Variants in FRAS1 observed in about 807,000 individuals in gnomAD.
FRAS1 encodes extracellular matrix organizing protein FRAS1.
A neutral mutation model predicts 435.2 loss-of-function variants in FRAS1; 290 were observed. The observed-to-expected ratio is 0.67, with a 90% confidence interval of 0.61 to 0.73. The LOEUF (loss-of-function observed/expected upper bound fraction) is 0.73, where lower values mean the gene tolerates loss of function less well. Among genes scored for constraint, FRAS1 ranks in the 30% least tolerant of loss-of-function variants. The pLI, the probability that FRAS1 is intolerant of heterozygous loss-of-function variation, is 0.00. For missense variants in FRAS1, 4,860 were observed against 5,001.5 expected (o/e 0.97, Z 0.85); for synonymous variants, 1,800 against 1,851.0 (o/e 0.97, Z 0.71).
At chr4:78,146,237 C>G (rs1720417331) in intron 2 of FRAS1, among the ~76,000 whole-genome samples, 1 of 152,112 alleles carries the variant, frequency 6.6e-6, no homozygotes, top group Admixed American at 6.5e-5. Context: ...CAAGTTCACC[C>G]ACTCTCCAGA....
chr4:78,347,469 C>T (rs1310256741), intron 20 of FRAS1, among the ~76,000 whole-genome samples: 3 of 152,176 alleles, frequency 2.0e-5, no homozygotes, highest in Non-Finnish European at 4.4e-5. Flanking sequence ...TTGCCCATTG[C>T]ATTAGCTGTA....
chr4:78,533,990 G>A lies in FRAS1; in HGVS notation c.10926-459G>A, dbSNP rs115663827. On this transcript the variant is annotated intron_variant, in intron 70 of 73. Coordinates refer to ENST00000512123, the MANE Select transcript of FRAS1 (RefSeq NM_025074.7). ...AGGAAGGGGCTCAGGAAGAAGGCTG[G>A]GGAGGTAGGCACACAGAGCAAGGCA... Among the ~76,000 whole-genome samples the A allele has an allele frequency of 9.3e-3, 1,420 of 152,274 alleles. 23 individuals are homozygous for A. Among genetic ancestry groups the A allele is most frequent in the African/African-American group, 0.032 (1,325 of 41,548 alleles).
chr4:78,358,167 AT>A (rs2110289497), intron 20 of FRAS1, among the ~76,000 whole-genome samples: 1 of 152,194 alleles, frequency 6.6e-6, no homozygotes, highest in Admixed American at 6.5e-5. Context: ...TTATAGGAGT[AT>A]AGTAGCCATT....
Position 78,496,826 on chromosome 4 carries a change from A to G in FRAS1, c.8980A>G (p.Ile2994Val). Residue 2994 changes from isoleucine to valine, a missense_variant, in exon 60 of 74, where the codon ATC (isoleucine) becomes GTC (valine). Physicochemically the swap from Ile to Val is conservative, Grantham distance 29 (BLOSUM62 3). Transcript: ENST00000512123. ...CTAGGTGAAGAACTGTACGGTCTATATCCACGATGACTCCATGTTTGAGCC... is the reference window on the plus strand; with the variant it reads ...CTAGGTGAAGAACTGTACGGTCTATGTCCACGATGACTCCATGTTTGAGCC... ...GDKVKNCTVY[I>V]HDDSMFEPEE... 1.2e-6 allele frequency: 2 copies of G among 1,613,754 alleles called. No individual in the cohort carries two copies. Among genetic ancestry groups the G allele is most frequent in the African/African-American group, 2.7e-5 (2 of 75,028 alleles).
At chr4:78,482,000 C>T in intron 57 of FRAS1, 36 bp downstream of exon 57, 2 of 1,598,462 alleles carry the variant, frequency 1.3e-6, no homozygotes, top group Non-Finnish European at 8.5e-7. Context: ...ACAAAGTTGA[C>T]AGGTCGGTTT....
In FRAS1 at chr4:78,460,976, A is replaced by T. The variant is rs533165903; in HGVS notation, c.6764-3045A>T. On this transcript the variant is annotated intron_variant, in intron 47 of 73. Coordinates refer to ENST00000512123, the MANE Select transcript of FRAS1 (RefSeq NM_025074.7). ...TTTGAGCATCTACTGTGTTCCAGGG[A>T]TTATTCTAGGTGCACATCAGTGAAG... Among the ~76,000 whole-genome samples the T allele has an allele frequency of 3.0e-4, 46 of 152,308 alleles. No individual in the cohort carries two copies. In the South Asian group the frequency reaches 8.3e-3, roughly 27 times the overall value.
At chr4:78,232,801 TATTA>T (rs895845346) in intron 2 of FRAS1, among the ~76,000 whole-genome samples, 4 of 152,204 alleles carry the variant, frequency 2.6e-5, no homozygotes, top group Non-Finnish European at 4.4e-5. Context: ...CAGGGTTGAT[TATTA>T]ATTAATTCAG....
intron 65 of FRAS1, among the ~76,000 whole-genome samples, chr4:78,515,014 G>C (rs1273681670): frequency 6.7e-6 from 1 of 149,766 alleles, no homozygotes. Flanking sequence ...GTTGCAGTGA[G>C]CCGAGATCGC....
chr4:78,303,957 G>A (rs983552861), intron 14 of FRAS1, among the ~76,000 whole-genome samples: 3 of 151,636 alleles, frequency 2.0e-5, no homozygotes, highest in African/African-American at 7.3e-5. Flanking sequence ...AATGCTTCCA[G>A]TTTTTGCACA....
intron 66 of FRAS1, among the ~76,000 whole-genome samples, chr4:78,516,567 A>G (rs965529140): frequency 1.3e-5 from 2 of 152,232 alleles, no homozygotes; most frequent in African/African-American, 2.4e-5. Context: ...GTGTTAGTCT[A>G]TTCTCACACT....
At chr4:78,498,666 A>G (rs919601029) in intron 60 of FRAS1, among the ~76,000 whole-genome samples, 1 of 152,174 alleles carries the variant, frequency 6.6e-6, no homozygotes, top group Non-Finnish European at 1.5e-5. Flanking sequence ...ATAAATACAG[A>G]AAGTAGAAAT....
intron 2 of FRAS1, among the ~76,000 whole-genome samples, chr4:78,214,894 C>A (rs2866992): frequency 0.96 from 146,254 of 152,140 alleles, 70,542 homozygotes; most frequent in East Asian, 1. Context: ...TTCTTTGCAC[C>A]AAGGCTGTCC....
intron 2 of FRAS1, among the ~76,000 whole-genome samples, chr4:78,118,026 G>C (rs1206462250): frequency 6.6e-6 from 1 of 151,696 alleles, no homozygotes; most frequent in Non-Finnish European, 1.5e-5. Flanking sequence ...TGTCCTTTCT[G>C]TTTGTTAGTT....
In FRAS1 at chr4:78,377,466, C is replaced by A. The variant is rs114709646; in HGVS notation, c.3292+1587C>A. Among the ~76,000 whole-genome samples, 835 of 152,286 alleles carry A rather than the reference C, an allele frequency of 5.5e-3. 7 individuals are homozygous for A. Among genetic ancestry groups the A allele is most frequent in the African/African-American group, 0.019 (795 of 41,532 alleles). Reference sequence around the variant, plus strand: ...GGCATTTCCAAACTGTCCTGTCTGACCTAGTTGTAAAAAGGAGCACTACCA... The same window carrying A: ...GGCATTTCCAAACTGTCCTGTCTGAACTAGTTGTAAAAAGGAGCACTACCA... On this transcript the variant is annotated intron_variant, in intron 26 of 73. Transcript: ENST00000512123.
At chr4:78,081,045 T>C (rs1024586865) in intron 2 of FRAS1, among the ~76,000 whole-genome samples, 1 of 152,010 alleles carries the variant, frequency 6.6e-6, no homozygotes, top group African/African-American at 2.4e-5. Flanking sequence ...GGGCCTAGGA[T>C]CCCCCTGGAA....
intron 72 of FRAS1, among the ~76,000 whole-genome samples, chr4:78,538,314 C>T (rs545732587): frequency 9.9e-5 from 15 of 152,154 alleles, no homozygotes; most frequent in Non-Finnish European, 1.6e-4. Context: ...TAAACAAAAA[C>T]TCTCTGGGGT....
In FRAS1 at chr4:78,459,410, CAT is replaced by C. The variant is rs372100437; in HGVS notation, c.6764-4610_6764-4609del. ...ATTTGGTACACACATAATTCACACA[CAT>C]GTTTGGTAGCAACATGGCAGAGGAC... On this transcript the variant is annotated intron_variant, in intron 47 of 73. Coordinates refer to ENST00000512123, the MANE Select transcript of FRAS1 (RefSeq NM_025074.7). 7.2e-4 allele frequency among the ~76,000 whole-genome samples: 109 copies of C among 152,348 alleles called. 2 individuals carry two copies. In the Middle Eastern group the frequency reaches 0.024, roughly 33 times the overall value.
chr4:78,286,098 C>A (rs1727582542), intron 13 of FRAS1, among the ~76,000 whole-genome samples: 1 of 152,170 alleles, frequency 6.6e-6, no homozygotes, highest in Admixed American at 6.5e-5. Flanking sequence ...ATGCCAGCCT[C>A]ATGTGACCAT....
intron 60 of FRAS1, among the ~76,000 whole-genome samples, chr4:78,498,126 G>A (rs1333876682): frequency 6.6e-6 from 1 of 152,194 alleles, no homozygotes; most frequent in Non-Finnish European, 1.5e-5. Flanking sequence ...AACATTAGGA[G>A]ACATACCTAA....
Sources: allele counts gnomAD v4.1 joint callset (sites outside exome capture counted in the v4.1 genomes callset), GRCh38; gene constraint gnomAD v4.1.1; transcripts MANE v1.5; gene names NCBI Gene and HGNC (gene_info 2026-07-23, HGNC 2026-07-21).